TAOK1: variants seen among roughly 807,000 people sequenced by gnomAD.
TAOK1 encodes TAO kinase 1.
A neutral mutation model predicts 138.3 loss-of-function variants in TAOK1; 21 were observed. The ratio of observed to expected loss-of-function variants is 0.15; its 90% CI spans 0.11 to 0.22. The LOEUF is 0.22. Among genes scored for constraint, TAOK1 ranks in the 10% least tolerant of loss-of-function variants. The pLI is 1.00. For missense variants in TAOK1, 651 were observed against 1,227.7 expected, an observed-to-expected ratio of 0.53 and a Z score of 7.02; for synonymous variants, 361 against 398.4, an observed-to-expected ratio of 0.91 and a Z score of 1.12.
intron 1 of TAOK1, among the ~76,000 whole-genome samples, chr17:29,393,375 A>G (rs1375409989): frequency 6.6e-6 from 1 of 152,128 alleles, no homozygotes; most frequent in Admixed American, 6.6e-5. Flanking sequence ...ACTAAGGACA[A>G]CTGAAAAAAA....
At chr17:29,456,176 C>T (rs1026065296) in intron 2 of TAOK1, among the ~76,000 whole-genome samples, 1 of 149,968 alleles carries the variant, frequency 6.7e-6, no homozygotes, top group East Asian at 1.9e-4. Context: ...GTCAAAACCC[C>T]GTCTCTACTA....
chr17:29,538,851 A>C (rs1429135079), intron 19 of TAOK1, among the ~76,000 whole-genome samples: 1 of 152,220 alleles, frequency 6.6e-6, no homozygotes, highest in East Asian at 1.9e-4. Flanking sequence ...ATATATATGA[A>C]AAGTAGTAGC....
chr17:29,513,085 G>A (rs1377148464), intron 15 of TAOK1: 10 of 118,060 alleles, frequency 8.5e-5, no homozygotes, highest in Non-Finnish European at 3.2e-5. Context: ...TAGGATGATT[G>A]AAATTTTTAG....
At chr17:29,457,549 G>A (rs1176188124) in intron 2 of TAOK1, among the ~76,000 whole-genome samples, 1 of 148,360 alleles carries the variant, frequency 6.7e-6, no homozygotes, top group Admixed American at 6.8e-5. Context: ...AAGATTACAG[G>A]TGCGCACCAC....
chr17:29,391,388 T>A (rs978563402), intron 1 of TAOK1, among the ~76,000 whole-genome samples: 18 of 152,058 alleles, frequency 1.2e-4, no homozygotes, highest in Non-Finnish European at 2.1e-4. Flanking sequence ...TGTCTGTGTA[T>A]TCTTGGGAAG....
In TAOK1 at chr17:29,545,666, T is replaced by G. The variant is rs1032902831; in HGVS notation, c.*2644T>G. ...TTTGTATATGTTTGTGAGATCTAGC[T>G]TCTGAGGAATCTCATACATAGTAGG... On this transcript the variant is annotated 3_prime_UTR_variant, in exon 20 of 20. Transcript: ENST00000261716. 6.6e-6 allele frequency: 1 copy of G among 152,182 alleles called. No individual in the cohort carries two copies. Among genetic ancestry groups the G allele is most frequent in the African/African-American group, 2.4e-5 (1 of 41,446 alleles). The allele number at this position is 152,182 out of a possible 1,614,324, so 9.4% of individuals were successfully genotyped here.
intron 1 of TAOK1, among the ~76,000 whole-genome samples, chr17:29,405,294 G>A (rs1357219283): frequency 6.6e-6 from 1 of 152,088 alleles, no homozygotes; most frequent in African/African-American, 2.4e-5. Flanking sequence ...TGCTGAAACA[G>A]TGTCCTTTTA....
intron 1 of TAOK1, among the ~76,000 whole-genome samples, chr17:29,425,772 T>C (rs1213842466): frequency 1.3e-5 from 2 of 152,350 alleles, no homozygotes; most frequent in African/African-American, 4.8e-5. Context: ...TAATCTAAGA[T>C]CAAGTGAAAT....
intron 2 of TAOK1, among the ~76,000 whole-genome samples, chr17:29,464,028 C>G (rs2030594881): frequency 2.0e-5 from 3 of 152,084 alleles, no homozygotes; most frequent in Admixed American, 6.5e-5. Context: ...TACAAAAGAC[C>G]ACATATATGA....
intron 1 of TAOK1, among the ~76,000 whole-genome samples, chr17:29,425,184 C>T (rs1334636927): frequency 6.6e-6 from 1 of 152,206 alleles, no homozygotes; most frequent in Non-Finnish European, 1.5e-5. Flanking sequence ...ATTCTCCTGC[C>T]TCAGCTTTCC....
Position 29,427,536 on chromosome 17 carries a change from A to C in TAOK1, c.-94-23919A>C, listed in dbSNP as rs552433833. On this transcript the variant is annotated intron_variant, in intron 1 of 19. Coordinates refer to ENST00000261716, the MANE Select transcript of TAOK1 (RefSeq NM_020791.4). Reference sequence around the variant, plus strand: ...GCTTTGAACTCCGTCTCAAAAAAAAAAAAAAAAAGAAAGAAATGCTTTAGA... The same window carrying C: ...GCTTTGAACTCCGTCTCAAAAAAAACAAAAAAAAGAAAGAAATGCTTTAGA... 5.9e-5 allele frequency among the ~76,000 whole-genome samples: 9 copies of C among 151,852 alleles called. No individual in the cohort carries two copies. In the East Asian group the frequency reaches 9.7e-4, roughly 16 times the overall value.
chr17:29,458,573 C>T (rs2030452937), intron 2 of TAOK1, among the ~76,000 whole-genome samples: 2 of 152,260 alleles, frequency 1.3e-5, no homozygotes, highest in Non-Finnish European at 2.9e-5. Context: ...TCTTGTCACA[C>T]TGCAACCTCT....
chr17:29,519,375 C>T (rs576812443), intron 16 of TAOK1, among the ~76,000 whole-genome samples: 3 of 151,862 alleles, frequency 2.0e-5, no homozygotes, highest in East Asian at 1.9e-4. Context: ...ACAAATGAGC[C>T]GGACGAGGTG....
chr17:29,429,863 T>C (rs1419915960), intron 1 of TAOK1, among the ~76,000 whole-genome samples: 1 of 152,224 alleles, frequency 6.6e-6, no homozygotes, highest in Non-Finnish European at 1.5e-5. Context: ...TTGTTTAATA[T>C]CTGTCATACA....
At chr17:29,441,735 C>A (rs1336193597) in intron 1 of TAOK1, among the ~76,000 whole-genome samples, 1 of 152,080 alleles carries the variant, frequency 6.6e-6, no homozygotes, top group Admixed American at 6.6e-5. Flanking sequence ...GCCGTCTCTA[C>A]TAAAAATACA....
chr17:29,551,261 C>T lies in TAOK1; in HGVS notation c.*8239C>T, dbSNP rs1046821752. 4 of 152,150 alleles carry T rather than the reference C, an allele frequency of 2.6e-5. No individual in the cohort carries two copies. Among genetic ancestry groups the T allele is most frequent in the Non-Finnish European group, 4.4e-5 (3 of 68,032 alleles). The allele number at this position is 152,150 out of a possible 1,614,324, so 9.4% of individuals were successfully genotyped here. On this transcript the variant is annotated 3_prime_UTR_variant, in exon 20 of 20. Transcript: ENST00000261716. ...ATTGAGGTTCATCAATGAATTTGTA[C>T]ATTTCTAGTTCCCTTTGGTGAAGGG...
chr17:29,470,926 C>T (rs1403632525), intron 3 of TAOK1, among the ~76,000 whole-genome samples: 1 of 152,106 alleles, frequency 6.6e-6, no homozygotes, highest in Admixed American at 6.6e-5. Flanking sequence ...AGTTTGAGAC[C>T]AGCCTGGCCA....
rs765250840 is a variant in TAOK1 at position 29,495,687 on chromosome 17, C to T, written c.959C>T (p.Ala320Val). 1 of 1,609,846 alleles carries T rather than the reference C, an allele frequency of 6.2e-7. No individual in the cohort carries two copies. Among genetic ancestry groups the T allele is most frequent in the Non-Finnish European group, 8.5e-7 (1 of 1,177,400 alleles). ...ATGAAGAAACTCCTTTTCCAGGAGG[C>T]ACATAATGGACCAGCAGTAGAAGCA... The part of the protein sequence containing the change: ...RKMKKLLFQE[A>V]HNGPAVEAQE... The change falls in exon 11 of 20, where the codon GCA becomes GTA. Residue 320 changes from alanine to valine, a missense_variant. Transcript: ENST00000261716.
intron 2 of TAOK1, among the ~76,000 whole-genome samples, chr17:29,455,452 G>A (rs2030351695): frequency 6.7e-6 from 1 of 150,234 alleles, no homozygotes; most frequent in Non-Finnish European, 1.5e-5. Flanking sequence ...TTTTCAACTT[G>A]AATGGCTTTC....
Sources: gnomAD v4.1 joint callset for allele counts (sites outside exome capture counted in the v4.1 genomes callset) on GRCh38, gnomAD v4.1.1 for gene constraint, MANE v1.5 for transcripts, NCBI Gene and HGNC (gene_info 2026-07-23, HGNC 2026-07-21) for gene names.